The following TTLL6 variants were observed in gnomAD, a reference collection of about 807,000 sequenced individuals.
TTLL6 encodes the protein tubulin tyrosine ligase like 6.
TTLL6 carries 75 observed loss-of-function variants against 96.4 expected under a neutral mutation model. That is an observed-to-expected ratio of 0.78 (90% confidence interval 0.65 to 0.94). TTLL6 has a LOEUF of 0.94. Among genes scored for constraint, TTLL6 ranks in the 40% least tolerant of loss-of-function variants. TTLL6 has a pLI of 0.00. For missense variants in TTLL6, 1,030 were observed against 1,093.0 expected, an observed-to-expected ratio of 0.94 and a Z score of 0.81; for synonymous variants, 411 against 419.4, an observed-to-expected ratio of 0.98 and a Z score of 0.24.
In TTLL6 at chr17:48,812,671, G is replaced by A. The variant is rs188972402; in HGVS notation, c.103+4299C>T. Among the ~76,000 whole-genome samples, 301 of 152,294 alleles carry A rather than the reference G, an allele frequency of 2.0e-3. 1 individual carries two copies. The highest frequency in any genetic ancestry group is 7.0e-3 in the African/African-American group (292 of 41,554). ...AACCCTGGACTGTGAACTTCCTGAT[G>A]GAAGAGGCTGTGTCTCTGCATTCTC... On this transcript the variant is annotated intron_variant, in intron 1 of 15. Coordinates refer to ENST00000393382, the MANE Select transcript of TTLL6 (RefSeq NM_001130918.3).
At chr17:48,767,001 C>T (rs1055448501) in intron 15 of TTLL6, among the ~76,000 whole-genome samples, 3 of 152,094 alleles carry the variant, frequency 2.0e-5, no homozygotes, top group Non-Finnish European at 2.9e-5. Flanking sequence ...CAGGCAGGAG[C>T]GCAGTGGCGT....
chr17:48,776,447 G>A (rs1057248052), intron 13 of TTLL6, among the ~76,000 whole-genome samples: 7 of 152,144 alleles, frequency 4.6e-5, no homozygotes, highest in East Asian at 3.8e-4. Context: ...GTGACAGAGC[G>A]AGACTCTGTC....
intron 10 of TTLL6, 92 bp from the exon 11 acceptor site, chr17:48,788,091 G>C: frequency 1.7e-6 from 2 of 1,183,682 alleles, no homozygotes; most frequent in Non-Finnish European, 2.4e-6. Flanking sequence ...TCTAGGGCCA[G>C]ATGGAGGCCT....
chr17:48,786,937 T>C (rs1224280908), intron 11 of TTLL6, among the ~76,000 whole-genome samples: 1 of 150,620 alleles, frequency 6.6e-6, no homozygotes, highest in African/African-American at 2.4e-5. Flanking sequence ...CAGGTTTAAT[T>C]CTCTGCCTCA....
At chr17:48,775,517 C>T (rs1487081297) in intron 13 of TTLL6, among the ~76,000 whole-genome samples, 2 of 115,678 alleles carry the variant, frequency 1.7e-5, no homozygotes, top group African/African-American at 6.5e-5. Flanking sequence ...GTTCAACATC[C>T]ATCTATTATT....
intron 14 of TTLL6, 138 bp downstream of exon 14, chr17:48,769,590 C>T: frequency 9.4e-7 from 1 of 1,065,018 alleles, no homozygotes; most frequent in Non-Finnish European, 1.4e-6. Flanking sequence ...TGTGTCTCCA[C>T]CATCAGACTG....
intron 8 of TTLL6, among the ~76,000 whole-genome samples, chr17:48,794,921 G>A (rs912036288): frequency 3.3e-5 from 5 of 152,170 alleles, no homozygotes; most frequent in East Asian, 3.8e-4. Flanking sequence ...GGCAACTCAC[G>A]CAACCTCTGA....
chr17:48,789,496 CAGAA>C (rs1202866515), intron 10 of TTLL6, among the ~76,000 whole-genome samples: 3 of 152,234 alleles, frequency 2.0e-5, no homozygotes, highest in African/African-American at 4.8e-5. Flanking sequence ...AGAGAAGTGA[CAGAA>C]AGGCCACATA....
Position 48,791,558 on chromosome 17 carries a change from G to A in TTLL6, c.1044C>T (p.Asn348=), listed in dbSNP as rs368268252. 32 of 1,614,022 alleles carry A rather than the reference G, an allele frequency of 2.0e-5. No homozygotes were observed. Among genetic ancestry groups the A allele is most frequent in the African/African-American group, 4.0e-5 (3 of 74,916 alleles). ...CAATATCCCTCCATATCTGCTCCAC[G>A]TTGTAGCTGTGGTCCTCCAAGTATG... The part of the protein sequence containing the change: ...FSAYLEDHSY[N]VEQIWRDIED... The change falls in exon 9 of 16, where the codon AAC becomes AAT. Residue 348 remains asparagine (N), a synonymous_variant. Coordinates refer to ENST00000393382, the MANE Select transcript of TTLL6 (RefSeq NM_001130918.3).
chr17:48,769,240 G>A lies in TTLL6; in HGVS notation c.2425C>T (p.Pro809Ser), dbSNP rs2038683004. ...MNNLSQNPSL[P>S]GECHSRSDSS... ...TCACTGCGGGAGTGGCACTCCCCAG[G>A]CAGGGAGGGGTTTTCTGGAAAGGCA... The change falls in exon 15 of 16, where the codon CCT becomes TCT. Residue 809 changes from proline (P) to serine (S), a missense_variant. Transcript: ENST00000393382. The A allele has an allele frequency of 4.4e-6, 7 of 1,601,346 alleles. No individual in the cohort carries two copies. In the South Asian group the frequency reaches 5.5e-5, roughly 13 times the overall value.
At chr17:48,771,546 C>A (rs992990030) in intron 13 of TTLL6, among the ~76,000 whole-genome samples, 4 of 151,960 alleles carry the variant, frequency 2.6e-5, no homozygotes, top group Admixed American at 2.6e-4. Context: ...GCAAGAGGAT[C>A]ACTTGAGCCT....
At chr17:48,763,691 C>G (rs976770674) in intron 15 of TTLL6, among the ~76,000 whole-genome samples, 1 of 152,094 alleles carries the variant, frequency 6.6e-6, no homozygotes, top group African/African-American at 2.4e-5. Flanking sequence ...CTCAGCTACT[C>G]AGGAGGCTGA....
intron 1 of TTLL6, chr17:48,815,526 C>T (rs1057474061): frequency 9.9e-5 from 15 of 152,240 alleles, no homozygotes; most frequent in African/African-American, 3.4e-4. Flanking sequence ...CTCTCCCACT[C>T]CCTATCTTCT....
chr17:48,810,615 G>A (rs1030999976), intron 1 of TTLL6, among the ~76,000 whole-genome samples: 2 of 151,944 alleles, frequency 1.3e-5, no homozygotes, highest in African/African-American at 4.8e-5. Context: ...GGAATCACCT[G>A]AGCCCAGGAG....
chr17:48,776,445 G>C (rs1567718172), intron 13 of TTLL6, among the ~76,000 whole-genome samples: 1 of 152,170 alleles, frequency 6.6e-6, no homozygotes, highest in Non-Finnish European at 1.5e-5. Context: ...TGGTGACAGA[G>C]CGAGACTCTG....
intron 7 of TTLL6, 48 bp from the exon 8 acceptor site, chr17:48,796,194 C>T (rs1296890648): frequency 6.9e-7 from 1 of 1,448,510 alleles, no homozygotes; most frequent in Non-Finnish European, 9.5e-7. Context: ...AAGGGCAGGC[C>T]CCCTGCTTCC....
At chr17:48,766,938 T>A (rs942657709) in intron 15 of TTLL6, among the ~76,000 whole-genome samples, 1 of 150,966 alleles carries the variant, frequency 6.6e-6, no homozygotes, top group African/African-American at 2.4e-5. Flanking sequence ...GTTGTTGTTT[T>A]GTTTTGTTTT....
chr17:48,771,507 C>A (rs896398273), intron 13 of TTLL6, among the ~76,000 whole-genome samples: 7 of 152,024 alleles, frequency 4.6e-5, no homozygotes, highest in Non-Finnish European at 1.0e-4. Flanking sequence ...TGGTGCACAC[C>A]TGTAGTCCTA....
chr17:48,770,501 ATTG>A (rs1179551293), intron 13 of TTLL6, among the ~76,000 whole-genome samples: 125 of 148,196 alleles, frequency 8.4e-4, no homozygotes, highest in African/African-American at 2.8e-3. Context: ...AGGTATTATT[ATTG>A]TTGTTGTTAT....
Sources: gnomAD v4.1 joint callset for allele counts (sites outside exome capture counted in the v4.1 genomes callset) on GRCh38, gnomAD v4.1.1 for gene constraint, MANE v1.5 for transcripts, NCBI Gene and HGNC (gene_info 2026-07-23, HGNC 2026-07-21) for gene names.